Variants in U2SURP observed in about 807,000 individuals in gnomAD.
U2SURP encodes the protein U2 snRNP-associated SURP motif-containing protein.
Under a neutral mutation model 144.9 loss-of-function variants are expected in U2SURP, and 9 were observed. That is an observed-to-expected ratio of 0.06 (90% confidence interval 0.04 to 0.11). The LOEUF is 0.11. Ranked by LOEUF, U2SURP falls within the 10% of genes least tolerant of loss-of-function variation. The pLI is 1.00. For missense variants in U2SURP, 724 were observed against 1,226.7 expected (o/e 0.59, Z 6.12); for synonymous variants, 408 against 396.8 (o/e 1.03, Z -0.33).
intron 10 of U2SURP, 25 bp from the exon 11 acceptor site, chr3:143,022,471 TA>T (rs779058443): frequency 4.1e-6 from 6 of 1,450,010 alleles, no homozygotes; most frequent in Admixed American, 2.4e-5. Context: ...TTTTGCATAA[TA>T]AAAATCTTTT....
intron 16 of U2SURP, among the ~76,000 whole-genome samples, chr3:143,029,791 G>A (rs1933373824): frequency 6.6e-6 from 1 of 152,190 alleles, no homozygotes; most frequent in Non-Finnish European, 1.5e-5. Flanking sequence ...CAAAGGAAGA[G>A]TTTTTAAAGG....
chr3:143,022,289 C>G (rs531782529), intron 10 of U2SURP, among the ~76,000 whole-genome samples: 1 of 152,266 alleles, frequency 6.6e-6, no homozygotes, highest in South Asian at 2.1e-4. Flanking sequence ...ACCCTGGCAT[C>G]TTAAATAAAC....
rs535613048 is a variant in U2SURP, at chr3:143,060,241, T to G, written c.*3791T>G. The G allele has an allele frequency of 6.6e-5, 10 of 152,586 alleles. No homozygotes were observed. The South Asian group carries it at 2.1e-3, about 32-fold the overall frequency. The allele number at this position is 152,586 out of a possible 1,614,324, so 9.5% of individuals were successfully genotyped here. ...ATTCTTTTACTTCAACGGGTTCTTG[T>G]CTGTTACATCTCTGGTGATTTGAAA... On this transcript the variant is annotated 3_prime_UTR_variant, in exon 28 of 28. Transcript: ENST00000473835.
intron 24 of U2SURP, among the ~76,000 whole-genome samples, chr3:143,045,555 T>G (rs768481057): frequency 3.3e-5 from 5 of 152,212 alleles, no homozygotes; most frequent in Admixed American, 6.5e-5. Context: ...GCATGTAATT[T>G]AGCTTTTTTG....
chr3:143,028,478 G>T lies in U2SURP; in HGVS notation c.1447-5G>T, dbSNP rs201193401. 2 of 1,596,062 alleles carry T rather than the reference G, an allele frequency of 1.3e-6. No individual in the cohort carries two copies. Among genetic ancestry groups the T allele is most frequent in the Non-Finnish European group, 1.7e-6 (2 of 1,175,064 alleles). ...ACCTTTATAATAACTCTAAATGTTT[G>T]TTAGGGAGATTCTCCAACTAAATGG... On this transcript the variant is annotated splice_polypyrimidine_tract_variant and splice_region_variant and intron_variant, in intron 15 of 27. Transcript: ENST00000473835.
intron 11 of U2SURP, 88 bp downstream of exon 11, chr3:143,022,750 T>C: frequency 6.8e-7 from 1 of 1,469,944 alleles, no homozygotes; most frequent in South Asian, 1.4e-5. Context: ...GGATTGGACC[T>C]GAAATGGAGA....
chr3:143,030,381 T>A (rs930200330), intron 16 of U2SURP, among the ~76,000 whole-genome samples: 2 of 152,222 alleles, frequency 1.3e-5, no homozygotes, highest in Non-Finnish European at 2.9e-5. Flanking sequence ...GCCTGTGCTC[T>A]ATAAATGGAA....
At position 143,058,483 on chromosome 3, in the gene U2SURP, C is replaced by G. The variant is rs1935249878; in HGVS notation, c.*2033C>G. Reference sequence around the variant, plus strand: ...TCTTACAGTGGGTGAAACTGACTTTCTTTTGGTTGGGTGGGTGAGGATTTC... The same window carrying G: ...TCTTACAGTGGGTGAAACTGACTTTGTTTTGGTTGGGTGGGTGAGGATTTC... On this transcript the variant is annotated 3_prime_UTR_variant, in exon 28 of 28. Coordinates refer to ENST00000473835, the MANE Select transcript of U2SURP (RefSeq NM_001080415.2). The G allele has an allele frequency of 6.6e-6, 1 of 151,654 alleles. No homozygotes were observed. Among genetic ancestry groups the G allele is most frequent in the African/African-American group, 2.4e-5 (1 of 41,324 alleles). The allele number at this position is 151,654 out of a possible 1,614,324, so 9.4% of individuals were successfully genotyped here. A position where few individuals can be genotyped will look rare whatever the true frequency, so the allele number is the denominator to read the frequency against.
At position 143,023,104 on chromosome 3, in the gene U2SURP, AAAT is replaced by A. The variant is rs1050228702; in HGVS notation, c.1230+42_1230+44del. On this transcript the variant is annotated intron_variant, in intron 12 of 27. Transcript: ENST00000473835. ...GGACATAAGGCCGCATCTAATTTGT[AAAT>A]ACTAAAGCTGTGGTAGTATTTCTTT... 9 of 1,482,102 alleles carry A rather than the reference AAAT, an allele frequency of 6.1e-6. No individual in the cohort carries two copies. The African/African-American group carries it at 9.9e-5, about 16-fold the overall frequency. The allele number at this position is 1,482,102 out of a possible 1,614,324, so 91.8% of individuals were successfully genotyped here. A position where few individuals can be genotyped will look rare whatever the true frequency, so the allele number is the denominator to read the frequency against.
At position 143,037,097 on chromosome 3, in the gene U2SURP, G is replaced by C. The variant is rs1471773676; in HGVS notation, c.2065-82G>C. 32 of 1,375,394 alleles carry C rather than the reference G, an allele frequency of 2.3e-5. No individual in the cohort carries two copies. In the Admixed American group the frequency reaches 6.7e-4, roughly 29 times the overall value. The allele number at this position is 1,375,394 out of a possible 1,614,324, so 85.2% of individuals were successfully genotyped here. On this transcript the variant is annotated intron_variant, in intron 20 of 27. Coordinates refer to ENST00000473835, the MANE Select transcript of U2SURP (RefSeq NM_001080415.2). Reference sequence around the variant, plus strand: ...TGTGGGTATCCAGTTATGTTGGCTTGTACTGGATTACAAATTAATCTTACA... The same window carrying C: ...TGTGGGTATCCAGTTATGTTGGCTTCTACTGGATTACAAATTAATCTTACA...
chr3:143,046,951 A>ACCCCCCCCCC (rs71154000), intron 24 of U2SURP, among the ~76,000 whole-genome samples: 1 of 91,750 alleles, frequency 1.1e-5, no homozygotes, highest in Non-Finnish European at 2.1e-5. Flanking sequence ...CAGGGGGCTG[A>ACCCCCCCCCC]CCTCCCCCAC....
At chr3:143,042,914 G>T (rs1163992077) in intron 23 of U2SURP, among the ~76,000 whole-genome samples, 2 of 152,134 alleles carry the variant, frequency 1.3e-5, no homozygotes, top group East Asian at 1.9e-4. Flanking sequence ...CACATTTTCT[G>T]TGGAGGAAAG....
chr3:143,006,526 C>T (rs556552472), intron 1 of U2SURP, among the ~76,000 whole-genome samples: 7 of 152,222 alleles, frequency 4.6e-5, no homozygotes, highest in African/African-American at 9.6e-5. Context: ...GAGGCCAAGG[C>T]GGGTGGATCA....
chr3:143,039,232 A>G (rs1376167168), intron 23 of U2SURP, among the ~76,000 whole-genome samples: 4 of 151,834 alleles, frequency 2.6e-5, no homozygotes, highest in Non-Finnish European at 4.4e-5. Context: ...ATTTTTTTCA[A>G]ACCTTTGCCA....
rs1935209943 is a variant in U2SURP, at chr3:143,057,656, A to G, written c.*1206A>G. The G allele has an allele frequency of 6.6e-6, 1 of 151,976 alleles. No individual in the cohort carries two copies. Among genetic ancestry groups the G allele is most frequent in the East Asian group, 1.9e-4 (1 of 5,178 alleles). 9.4% of individuals were successfully genotyped at this position (151,976 alleles called of 1,614,324 possible). On this transcript the variant is annotated 3_prime_UTR_variant, in exon 28 of 28. Coordinates refer to ENST00000473835, the MANE Select transcript of U2SURP (RefSeq NM_001080415.2). ...GGTTATGTAGAATTGAACTGACACTATTATTTGTGAATCTTGATTTCAGTT... is the reference window on the plus strand; with the variant it reads ...GGTTATGTAGAATTGAACTGACACTGTTATTTGTGAATCTTGATTTCAGTT...
At chr3:143,043,038 AAAAAT>A (rs1442064502) in intron 23 of U2SURP, 74 bp from the exon 24 acceptor site, 3 of 1,352,638 alleles carry the variant, frequency 2.2e-6, no homozygotes, top group African/African-American at 1.5e-5. Context: ...TAAGACAATG[AAAAAT>A]AAAATAGGTA....
At chr3:143,025,912 T>C (rs1339387209) in intron 13 of U2SURP, 2 of 152,156 alleles carry the variant, frequency 1.3e-5, no homozygotes, top group African/African-American at 2.4e-5. Flanking sequence ...TACTCTGAAA[T>C]AGGGCATTAT....
At chr3:143,046,600 G>A (rs1482586821) in intron 24 of U2SURP, among the ~76,000 whole-genome samples, 1 of 103,622 alleles carries the variant, frequency 9.7e-6, no homozygotes, top group Non-Finnish European at 1.9e-5. Flanking sequence ...AACCCTGAGT[G>A]GACACAGCAC....
intron 23 of U2SURP, among the ~76,000 whole-genome samples, chr3:143,040,439 A>T (rs567592288): frequency 6.6e-6 from 1 of 152,036 alleles, no homozygotes. Context: ...AAATGTTCTC[A>T]TGCCTCACTA....
Sources: allele counts gnomAD v4.1 joint callset (sites outside exome capture counted in the v4.1 genomes callset), GRCh38; gene constraint gnomAD v4.1.1; transcripts MANE v1.5; gene names NCBI Gene and HGNC (gene_info 2026-07-23, HGNC 2026-07-21).